Variants in ZNF845 observed in about 807,000 individuals in gnomAD.
ZNF845 encodes zinc finger protein 845.
A neutral mutation model predicts 76.1 loss-of-function variants in ZNF845; 59 were observed. The ratio of observed to expected loss-of-function variants is 0.78; its 90% CI spans 0.63 to 0.96. The LOEUF (loss-of-function observed/expected upper bound fraction) is 0.96. Among genes scored for constraint, ZNF845 ranks in the 40% least tolerant of loss-of-function variants. The pLI is 0.00. For missense variants in ZNF845, 1,045 were observed against 1,172.8 expected, an observed-to-expected ratio of 0.89 and a Z score of 1.59; for synonymous variants, 361 against 386.9, an observed-to-expected ratio of 0.93 and a Z score of 0.78.
At chr19:53,338,616 G>T (rs2085232815) in intron 1 of ZNF845, among the ~76,000 whole-genome samples, 1 of 147,396 alleles carries the variant, frequency 6.8e-6, no homozygotes, top group African/African-American at 2.5e-5. Context: ...GTGAACTGCA[G>T]CCCGAGGGCC....
At chr19:53,343,440 G>T (rs983074150) in intron 2 of ZNF845, among the ~76,000 whole-genome samples, 44 of 152,098 alleles carry the variant, frequency 2.9e-4, no homozygotes, top group African/African-American at 1.1e-3. Context: ...CGGTTGAAAG[G>T]GTGATTGCTT....
At chr19:53,336,633 C>CTTTCTTTTTTTTTTTTTTTTT (rs1181749089) in intron 1 of ZNF845, among the ~76,000 whole-genome samples, 2 of 92,446 alleles carry the variant, frequency 2.2e-5, no homozygotes, top group Non-Finnish European at 4.1e-5. Context: ...TTCTTTCTTT[C>CTTTCTTTTTTTTTTTTTTTTT]TTTTTTTTTT....
intron 3 of ZNF845, among the ~76,000 whole-genome samples, chr19:53,345,923 A>G (rs2085293337): frequency 6.6e-6 from 1 of 151,398 alleles, no homozygotes; most frequent in South Asian, 2.1e-4. Context: ...GTGTTGTTGA[A>G]GCTGGTCTTG....
chr19:53,344,737 TCTC>T (rs970864151), intron 2 of ZNF845, among the ~76,000 whole-genome samples: 26 of 151,702 alleles, frequency 1.7e-4, no homozygotes. Context: ...TTCAAGCAAT[TCTC>T]CTTCCACAGC....
chr19:53,348,945 C>T (rs1019570640), intron 3 of ZNF845, among the ~76,000 whole-genome samples: 18 of 151,104 alleles, frequency 1.2e-4, no homozygotes, highest in African/African-American at 2.4e-4. Context: ...CAACCTCCAC[C>T]GCCTGGGTTC....
intron 3 of ZNF845, among the ~76,000 whole-genome samples, chr19:53,349,437 T>A (rs1169021554): frequency 3.3e-5 from 5 of 151,632 alleles, no homozygotes; most frequent in Non-Finnish European, 7.4e-5. Context: ...GCTAATTTTT[T>A]TTTTTTATTT....
rs542316586 is a variant in ZNF845, at chr19:53,352,729, A to G, written c.2054A>G (p.His685Arg). 3 of 1,614,192 alleles carry G rather than the reference A, an allele frequency of 1.9e-6. No homozygotes were observed. The highest frequency in any genetic ancestry group is 2.5e-6 in the Non-Finnish European group (3 of 1,180,024). The stretch of plus-strand genomic sequence containing the variant: ...TACCTTACATGCCATCGTAGACTTC[A>G]TACTGGAGAGAAACCTTACAAGTGT... ...KSYLTCHRRL[H>R]TGEKPYKCNE... is the part of the protein sequence containing the mutation. Residue 685 changes from histidine (H) to arginine (R), a missense_variant, in exon 4 of 4, where the codon CAT becomes CGT. Transcript: ENST00000458035.
chr19:53,348,017 C>G (rs1313755051), intron 3 of ZNF845, among the ~76,000 whole-genome samples: 1 of 152,188 alleles, frequency 6.6e-6, no homozygotes, highest in Non-Finnish European at 1.5e-5. Flanking sequence ...CGGTGAAATC[C>G]CGTCTCCACT....
chr19:53,349,770 T>C (rs932934292), intron 3 of ZNF845, among the ~76,000 whole-genome samples: 11 of 152,184 alleles, frequency 7.2e-5, no homozygotes, highest in Admixed American at 6.5e-5. Flanking sequence ...GCACTATGGC[T>C]CACACTTATA....
In ZNF845 at chr19:53,351,576, T is replaced by C. The variant is rs764096014; in HGVS notation, c.901T>C (p.Cys301Arg). ...RLHTGEKHYK[C>R]SECGKTFSRN... Reference sequence around the variant, plus strand: ...TCATACTGGAGAGAAACATTACAAGTGCAGTGAGTGTGGCAAGACCTTCAG... The same window carrying C: ...TCATACTGGAGAGAAACATTACAAGCGCAGTGAGTGTGGCAAGACCTTCAG... Residue 301 changes from cysteine (C) to arginine (R), a missense_variant, in exon 4 of 4, where the codon TGC (cysteine) becomes CGC (arginine). Transcript: ENST00000458035. The C allele has an allele frequency of 2.5e-6, 4 of 1,614,106 alleles. No homozygotes were observed. The highest frequency in any genetic ancestry group is 2.2e-5 in the South Asian group (2 of 91,076).
intron 1 of ZNF845, among the ~76,000 whole-genome samples, chr19:53,338,818 C>T (rs1412416498): frequency 2.0e-5 from 3 of 151,756 alleles, no homozygotes; most frequent in Admixed American, 6.6e-5. Flanking sequence ...TGGTGGCTCA[C>T]GCCTGTAGTC....
intron 2 of ZNF845, 117 bp downstream of exon 2, chr19:53,341,439 C>T (rs1233243821): frequency 2.1e-6 from 3 of 1,438,806 alleles, no homozygotes; most frequent in East Asian, 2.3e-5. Context: ...TGCTCGCACT[C>T]ACCCATGCCT....
In ZNF845 at chr19:53,356,202, A is replaced by G. The variant is rs1399050970; in HGVS notation, c.*2614A>G. The G allele has an allele frequency of 1.3e-5, 2 of 152,258 alleles. No homozygotes were observed. Among genetic ancestry groups the G allele is most frequent in the African/African-American group, 4.8e-5 (2 of 41,468 alleles). The allele number at this position is 152,258 out of a possible 1,614,324, so 9.4% of individuals were successfully genotyped here. On this transcript the variant is annotated 3_prime_UTR_variant, in exon 4 of 4. Coordinates refer to ENST00000458035, the MANE Select transcript of ZNF845 (RefSeq NM_138374.3). The stretch of plus-strand genomic sequence containing the variant: ...AGACATCAGTTTGAAAAGAACCTCT[A>G]TCACAGCAATACAAATTCTGTTAAA...
chr19:53,340,313 A>G (rs895312236), intron 1 of ZNF845, among the ~76,000 whole-genome samples: 3 of 152,144 alleles, frequency 2.0e-5, no homozygotes. Flanking sequence ...TGGCCTCCCA[A>G]CGTGCTGGGA....
chr19:53,350,774 C>T (rs2085327123), intron 3 of ZNF845, 44 bp from the exon 4 acceptor site: 5 of 1,573,510 alleles, frequency 3.2e-6, no homozygotes, highest in Admixed American at 1.9e-5. Flanking sequence ...TATTATTTAC[C>T]ATCTATACTT....
chr19:53,337,184 C>G (rs560814804), intron 1 of ZNF845: 3 of 454,120 alleles, frequency 6.6e-6, no homozygotes, highest in Non-Finnish European at 1.3e-5. Flanking sequence ...CTTCCTGTCT[C>G]AGGTTGCTGT....
At chr19:53,346,788 A>G (rs2085299966) in intron 3 of ZNF845, among the ~76,000 whole-genome samples, 1 of 152,236 alleles carries the variant, frequency 6.6e-6, no homozygotes, top group Non-Finnish European at 1.5e-5. Flanking sequence ...TATCACGTAC[A>G]GTGTTTTCTC....
intron 1 of ZNF845, among the ~76,000 whole-genome samples, chr19:53,335,200 T>C (rs1453511953): frequency 6.6e-6 from 1 of 152,090 alleles, no homozygotes; most frequent in Admixed American, 6.6e-5. Flanking sequence ...AGGTAGGAAA[T>C]GGGGCAGTGA....
intron 1 of ZNF845, among the ~76,000 whole-genome samples, chr19:53,334,441 A>C (rs1142711): frequency 5.3e-5 from 8 of 152,206 alleles, no homozygotes; most frequent in African/African-American, 1.9e-4. Flanking sequence ...CAGATGGCAA[A>C]GTAGAGGATG....
Sources: gnomAD v4.1 joint callset for allele counts (sites outside exome capture counted in the v4.1 genomes callset) on GRCh38, gnomAD v4.1.1 for gene constraint, MANE v1.5 for transcripts, NCBI Gene and HGNC (gene_info 2026-07-23, HGNC 2026-07-21) for gene names.